The following PPP3R1 variants were observed in gnomAD, a reference collection of about 807,000 sequenced individuals.
PPP3R1 encodes calcineurin subunit B type 1.
PPP3R1 carries 5 observed loss-of-function variants against 22.6 expected under a neutral mutation model. The ratio of observed to expected loss-of-function variants is 0.22; its 90% CI spans 0.12 to 0.46. The LOEUF (loss-of-function observed/expected upper bound fraction) is 0.46, where lower values mean the gene tolerates loss of function less well. Ranked by LOEUF, PPP3R1 falls within the 20% of genes least tolerant of loss-of-function variation. The pLI, the probability that PPP3R1 is intolerant of heterozygous loss-of-function variation, is 0.99. For synonymous variants in PPP3R1, 56 were observed against 65.2 expected, an observed-to-expected ratio of 0.86 and a Z score of 0.68; for missense variants, 61 against 203.2, an observed-to-expected ratio of 0.30 and a Z score of 4.25.
intron 1 of PPP3R1, among the ~76,000 whole-genome samples, chr2:68,251,632 C>T (rs1237783353): frequency 7.0e-6 from 1 of 143,198 alleles, no homozygotes; most frequent in African/African-American, 2.6e-5. Flanking sequence ...TGAGTGGAAG[C>T]AGCAGCAGCT....
At position 68,202,409 on chromosome 2, in the gene PPP3R1, G is replaced by T. The variant is rs893506755; in HGVS notation, c.44-13719C>A. ...CCTTCCTTTTCTTTTTTCGTTTTTT[G>T]TTGTTGTTGTTGTTGTTGTTGTTGT... On this transcript the variant is annotated intron_variant, in intron 2 of 5. Transcript: ENST00000234310. Among the ~76,000 whole-genome samples the T allele has an allele frequency of 9.2e-4, 32 of 34,656 alleles. No individual in the cohort carries two copies. In the East Asian group the frequency reaches 0.02, roughly 22 times the overall value. 22.7% of individuals were successfully genotyped at this position (34,656 alleles called of 152,430 possible).
intron 5 of PPP3R1, among the ~76,000 whole-genome samples, chr2:68,182,362 G>T (rs556099783): frequency 6.6e-6 from 1 of 152,240 alleles, no homozygotes; most frequent in South Asian, 2.1e-4. Context: ...CTTTTATGCA[G>T]TGGCAATAAT....
At chr2:68,227,487 T>C (rs1007133300) in intron 1 of PPP3R1, among the ~76,000 whole-genome samples, 1 of 151,844 alleles carries the variant, frequency 6.6e-6, no homozygotes, top group Non-Finnish European at 1.5e-5. Flanking sequence ...GATGCATGAA[T>C]GTCGGGGACA....
chr2:68,226,079 C>A (rs528027771), intron 1 of PPP3R1, among the ~76,000 whole-genome samples: 31 of 152,170 alleles, frequency 2.0e-4, no homozygotes, highest in Non-Finnish European at 4.0e-4. Context: ...AAACCAGACA[C>A]AAAAAGCTAT....
chr2:68,218,783 T>C (rs1488331379), intron 1 of PPP3R1, among the ~76,000 whole-genome samples: 1 of 151,586 alleles, frequency 6.6e-6, no homozygotes, highest in Non-Finnish European at 1.5e-5. Context: ...GGTAAAAAAG[T>C]GTTATGTGGT....
intron 2 of PPP3R1, among the ~76,000 whole-genome samples, chr2:68,216,005 C>T (rs1317258861): frequency 6.6e-6 from 1 of 151,942 alleles, no homozygotes; most frequent in African/African-American, 2.4e-5. Context: ...TAATTCTTAA[C>T]CCTAAGAGCT....
At chr2:68,213,077 G>A (rs116987860) in intron 2 of PPP3R1, among the ~76,000 whole-genome samples, 1 of 152,298 alleles carries the variant, frequency 6.6e-6, no homozygotes, top group East Asian at 1.9e-4. Flanking sequence ...CTGCTATCCA[G>A]ACCATAAAAA....
At chr2:68,209,622 G>T (rs1440811384) in intron 2 of PPP3R1, among the ~76,000 whole-genome samples, 2 of 151,860 alleles carry the variant, frequency 1.3e-5, no homozygotes, top group Non-Finnish European at 1.5e-5. Flanking sequence ...GCCAGGAGTG[G>T]TGGTACATGC....
intron 1 of PPP3R1, among the ~76,000 whole-genome samples, chr2:68,228,054 G>A (rs1255214750): frequency 6.6e-6 from 1 of 152,140 alleles, no homozygotes; most frequent in African/African-American, 2.4e-5. Flanking sequence ...AGAAAGTACT[G>A]TCTTTTGCCA....
At chr2:68,217,011 TAC>T (rs66891931) in intron 2 of PPP3R1, 79 bp downstream of exon 2, 187,746 of 732,960 alleles carry the variant, frequency 0.26, 12,452 homozygotes, top group African/African-American at 0.36. Flanking sequence ...AGAGGTATGA[TAC>T]ACACACACAC....
intron 2 of PPP3R1, among the ~76,000 whole-genome samples, chr2:68,208,480 T>C (rs1433121085): frequency 6.6e-6 from 1 of 152,206 alleles, no homozygotes; most frequent in African/African-American, 2.4e-5. Flanking sequence ...GTTTTATTAA[T>C]AAAAACTGCT....
At chr2:68,239,476 C>G (rs1319130003) in intron 1 of PPP3R1, among the ~76,000 whole-genome samples, 1 of 152,012 alleles carries the variant, frequency 6.6e-6, no homozygotes, top group Non-Finnish European at 1.5e-5. Context: ...AAGAAAAAAA[C>G]AGAGAATAAT....
At chr2:68,194,592 C>T (rs993659192) in intron 2 of PPP3R1, among the ~76,000 whole-genome samples, 11 of 151,956 alleles carry the variant, frequency 7.2e-5, no homozygotes, top group Non-Finnish European at 1.6e-4. Flanking sequence ...CAAGAAATTT[C>T]AAAATAGTAA....
intron 2 of PPP3R1, 27 bp from the exon 3 acceptor site, chr2:68,188,717 GA>G (rs1242675486): frequency 3.0e-5 from 46 of 1,533,756 alleles, no homozygotes; most frequent in Non-Finnish European, 3.9e-5. Flanking sequence ...AAGGAAGCAA[GA>G]ATTTTTTAAA....
At chr2:68,193,912 T>C (rs992539278) in intron 2 of PPP3R1, among the ~76,000 whole-genome samples, 14 of 152,104 alleles carry the variant, frequency 9.2e-5, no homozygotes, top group Non-Finnish European at 2.1e-4. Context: ...ATATATTTTT[T>C]TCCTGCTGCT....
At chr2:68,234,620 C>T (rs1198318402) in intron 1 of PPP3R1, among the ~76,000 whole-genome samples, 1 of 152,054 alleles carries the variant, frequency 6.6e-6, no homozygotes, top group Non-Finnish European at 1.5e-5. Context: ...CAGTCACAAT[C>T]GCAGAAACAC....
intron 1 of PPP3R1, among the ~76,000 whole-genome samples, chr2:68,238,990 A>G (rs2103805229): frequency 6.6e-6 from 1 of 152,274 alleles, no homozygotes; most frequent in South Asian, 2.1e-4. Context: ...ATATTAACAA[A>G]GCTGTGCTGA....
intron 1 of PPP3R1, among the ~76,000 whole-genome samples, chr2:68,240,291 T>G (rs1670096249): frequency 6.6e-6 from 1 of 152,210 alleles, no homozygotes; most frequent in Non-Finnish European, 1.5e-5. Flanking sequence ...CACTTCTATT[T>G]TCTACCTATA....
chr2:68,249,748 C>A (rs372763376), intron 1 of PPP3R1, among the ~76,000 whole-genome samples: 13 of 151,496 alleles, frequency 8.6e-5, no homozygotes, highest in African/African-American at 2.9e-4. Flanking sequence ...AAATAAACTA[C>A]GTTTAAGGCA....
Sources: gnomAD v4.1 joint callset for allele counts (sites outside exome capture counted in the v4.1 genomes callset) on GRCh38, gnomAD v4.1.1 for gene constraint, MANE v1.5 for transcripts, NCBI Gene and HGNC (gene_info 2026-07-23, HGNC 2026-07-21) for gene names.